Variants in ANKAR observed in about 807,000 individuals in gnomAD.
ANKAR encodes the protein ankyrin and armadillo repeat-containing protein.
Under a neutral mutation model 146.2 loss-of-function variants are expected in ANKAR, and 136 were observed. The observed-to-expected ratio is 0.93, with a 90% CI of 0.81 to 1.07. ANKAR has a LOEUF of 1.07. Among genes scored for constraint, ANKAR ranks in the 50% least tolerant of loss-of-function variants. The pLI is 0.00. For synonymous variants in ANKAR, 500 were observed against 575.8 expected (o/e 0.87, Z 1.88); for missense variants, 1,567 against 1,679.9 (o/e 0.93, Z 1.18).
intron 7 of ANKAR, among the ~76,000 whole-genome samples, chr2:189,701,449 G>T (rs1391936366): frequency 1.3e-5 from 2 of 152,118 alleles, no homozygotes; most frequent in African/African-American, 2.4e-5. Flanking sequence ...TGCCCAGGCT[G>T]GTTTCAGACT....
intron 22 of ANKAR, 144 bp from the exon 23 acceptor site, chr2:189,746,236 C>T: frequency 3.0e-6 from 3 of 998,820 alleles, no homozygotes; most frequent in Non-Finnish European, 4.2e-6. Flanking sequence ...TTTTTGGCCC[C>T]TGACATCTAA....
rs776901328 is a variant in ANKAR, at chr2:189,692,359, G to A, written c.1144G>A (p.Gly382Arg). 1 of 1,612,868 alleles carries A rather than the reference G, an allele frequency of 6.2e-7. No homozygotes were observed. Among genetic ancestry groups the A allele is most frequent in the Non-Finnish European group, 8.5e-7 (1 of 1,179,608 alleles). Residue 382 changes from glycine (G) to arginine (R), a missense_variant, in exon 4 of 23, where the codon GGA (glycine) becomes AGA (arginine). Physicochemically the swap from Gly to Arg is moderately radical, Grantham distance 125. Transcript: ENST00000684021. The part of the protein sequence containing the change: ...YKENQYFHVH[G>R]GIEFDISTPS... The stretch of plus-strand genomic sequence containing the variant: ...AGAGAATCAATATTTTCATGTTCAT[G>A]GAGGAATTGAATTTGATATCAGCAC...
intron 18 of ANKAR, chr2:189,752,949 A>G (rs1157293587): frequency 5.6e-6 from 9 of 1,612,976 alleles, no homozygotes; most frequent in Non-Finnish European, 6.8e-6. Context: ...CTGCGGATAT[A>G]GAAGTTACTT....
chr2:189,717,779 C>T (rs1451570159), intron 10 of ANKAR, among the ~76,000 whole-genome samples: 2 of 152,150 alleles, frequency 1.3e-5, no homozygotes, highest in African/African-American at 4.8e-5. Flanking sequence ...GAGTTCATGT[C>T]CTTTGCAGGG....
intron 2 of ANKAR, among the ~76,000 whole-genome samples, chr2:189,683,718 A>C (rs1284013227): frequency 6.6e-6 from 1 of 152,176 alleles, no homozygotes; most frequent in East Asian, 1.9e-4. Context: ...ATCACCATTC[A>C]CGTTTGGGAA....
intron 22 of ANKAR, among the ~76,000 whole-genome samples, chr2:189,745,181 ACT>A (rs1303345603): frequency 2.6e-5 from 4 of 151,346 alleles, no homozygotes; most frequent in African/African-American, 4.8e-5. Flanking sequence ...ACAGAGTGAG[ACT>A]CTGTCTCAAA....
rs781571903 is a variant in ANKAR, at chr2:189,746,631, A to G, written c.*4A>G. The G allele has an allele frequency of 3.2e-6, 5 of 1,568,786 alleles. No homozygotes were observed. The African/African-American group carries it at 5.5e-5, about 17-fold the overall frequency. Reference sequence around the variant, plus strand: ...CCCAGAGCCTGCAGAAGGCTAATAAAACATTTTAGAATGAAAGGATTCCTG... The same window carrying G: ...CCCAGAGCCTGCAGAAGGCTAATAAGACATTTTAGAATGAAAGGATTCCTG... On this transcript the variant is annotated 3_prime_UTR_variant, in exon 23 of 23. Transcript: ENST00000684021.
Position 189,746,566 on chromosome 2 carries a change from T to A in ANKAR, c.4244T>A (p.Val1415Glu), listed in dbSNP as rs771613238. 1.2e-6 allele frequency: 2 copies of A among 1,613,718 alleles called. No homozygotes were observed. The highest frequency in any genetic ancestry group is 1.7e-6 in the Non-Finnish European group (2 of 1,179,876). ...ACAAATGTATCAAGACCAAGAATAGTGTGTTTGAACCAACTTGGGAAACAT... is the reference window on the plus strand; with the variant it reads ...ACAAATGTATCAAGACCAAGAATAGAGTGTTTGAACCAACTTGGGAAACAT... ...DITNVSRPRIVCLNQLGKHVQ... is the reference protein window; with the variant it reads ...DITNVSRPRIECLNQLGKHVQ... Residue 1415 changes from valine (V) to glutamate (E), a missense_variant, in exon 23 of 23, where the codon GTG (valine) becomes GAG (glutamate). Val to Glu is a moderately radical substitution (Grantham distance 121). Transcript: ENST00000684021.
At chr2:189,700,091 T>C (rs531456356) in intron 7 of ANKAR, among the ~76,000 whole-genome samples, 1 of 152,298 alleles carries the variant, frequency 6.6e-6, no homozygotes, top group Admixed American at 6.5e-5. Context: ...TATGTAAGTT[T>C]CTAACCTATA....
chr2:189,734,270 T>C (rs866024031), intron 17 of ANKAR, among the ~76,000 whole-genome samples: 3 of 152,362 alleles, frequency 2.0e-5, no homozygotes, highest in Middle Eastern at 3.4e-3. Context: ...GCAAATATTT[T>C]GTCTTGCATC....
At position 189,731,007 on chromosome 2, in the gene ANKAR, T is replaced by G. The variant is rs77724868; in HGVS notation, c.3300+406T>G. On this transcript the variant is annotated intron_variant, in intron 16 of 22. Coordinates refer to ENST00000684021, the MANE Select transcript of ANKAR (RefSeq NM_001378068.1). ...CTTATATGGGAATATTTCTCAAATA[T>G]TAGTGAATCTTGTCAGTACTACACT... Among the ~76,000 whole-genome samples, 221 of 152,316 alleles carry G rather than the reference T, an allele frequency of 1.5e-3. 7 individuals are homozygous for G. The East Asian group carries it at 0.041, about 28-fold the overall frequency.
At chr2:189,759,960 CTT>C (rs2046743144) in intron 18 of ANKAR, among the ~76,000 whole-genome samples, 1 of 152,104 alleles carries the variant, frequency 6.6e-6, no homozygotes, top group African/African-American at 2.4e-5. Context: ...GGTGATGACT[CTT>C]AACGAGTATG....
At position 189,728,276 on chromosome 2, in the gene ANKAR, A is replaced by G; in HGVS notation, c.2887A>G (p.Ile963Val). The G allele has an allele frequency of 1.3e-6, 2 of 1,593,732 alleles. No homozygotes were observed. ...YLLKLLKAFQ[I>V]DVKEQGAVAL... Reference sequence around the variant, plus strand: ...ATATTTTTAAAAATAGGCATTTCAAATAGATGTTAAGGAACAAGGAGCTGT... The same window carrying G: ...ATATTTTTAAAAATAGGCATTTCAAGTAGATGTTAAGGAACAAGGAGCTGT... Residue 963 changes from isoleucine to valine, a missense_variant, in exon 14 of 23, where the codon ATA becomes GTA. Coordinates refer to ENST00000684021, the MANE Select transcript of ANKAR (RefSeq NM_001378068.1).
chr2:189,688,611 G>A (rs146892175), intron 2 of ANKAR, among the ~76,000 whole-genome samples: 2 of 152,324 alleles, frequency 1.3e-5, no homozygotes, highest in Non-Finnish European at 2.9e-5. Context: ...GAGCAAGACA[G>A]GAATTTAAGC....
At chr2:189,751,345 C>T (rs540673473), downstream of ANKAR, among the ~76,000 whole-genome samples, 8 of 152,124 alleles carry the variant, frequency 5.3e-5, no homozygotes, top group East Asian at 1.9e-4. Flanking sequence ...GGATGCCTTC[C>T]GGTACTACTA....
At chr2:189,694,701 C>T (rs2036946864) in intron 5 of ANKAR, among the ~76,000 whole-genome samples, 1 of 152,174 alleles carries the variant, frequency 6.6e-6, no homozygotes, top group Non-Finnish European at 1.5e-5. Context: ...CATAGAACTT[C>T]AGCCAGAGTT....
At chr2:189,694,335 A>T (rs925938906) in intron 5 of ANKAR, among the ~76,000 whole-genome samples, 2 of 152,212 alleles carry the variant, frequency 1.3e-5, no homozygotes, top group Non-Finnish European at 2.9e-5. Flanking sequence ...CAGCAGCTGA[A>T]GTATTCACCG....
At chr2:189,724,755 G>A (rs905396361) in intron 12 of ANKAR, among the ~76,000 whole-genome samples, 1 of 152,028 alleles carries the variant, frequency 6.6e-6, no homozygotes, top group Non-Finnish European at 1.5e-5. Flanking sequence ...AAAAACAAAT[G>A]CTGGATTATA....
rs971730530 is a variant in ANKAR at position 189,737,631 on chromosome 2, G to T, written c.3424-52G>T. 6 of 1,497,994 alleles carry T rather than the reference G, an allele frequency of 4.0e-6. No individual in the cohort carries two copies. The African/African-American group carries it at 7.2e-5, about 18-fold the overall frequency. 92.8% of individuals were successfully genotyped at this position (1,497,994 alleles called of 1,614,324 possible). On this transcript the variant is annotated intron_variant, in intron 17 of 22. Transcript: ENST00000684021. ...GCAAGAACTTAAAGTCTATTATGTT[G>T]AGTAACATGATAAATGAAGTTCACC...
Sources: gnomAD v4.1 joint callset for allele counts (sites outside exome capture counted in the v4.1 genomes callset) on GRCh38, gnomAD v4.1.1 for gene constraint, MANE v1.5 for transcripts, NCBI Gene and HGNC (gene_info 2026-07-23, HGNC 2026-07-21) for gene names.